Variants in HPSE2 observed in about 807,000 individuals in gnomAD.
HPSE2 encodes the protein heparanase 2 (inactive).
Under a neutral mutation model 60.5 loss-of-function variants are expected in HPSE2, and 38 were observed. That is an observed-to-expected ratio of 0.63 (90% CI 0.48 to 0.82). HPSE2 has a LOEUF of 0.82. Among genes scored for constraint, HPSE2 ranks in the 40% least tolerant of loss-of-function variants. HPSE2 has a pLI of 0.00. For missense variants in HPSE2, 713 were observed against 740.4 expected (o/e 0.96, Z 0.43); for synonymous variants, 295 against 293.2 (o/e 1.01, Z -0.06).
chr10:99,002,366 G>A (rs1036033145), intron 3 of HPSE2, among the ~76,000 whole-genome samples: 3 of 151,948 alleles, frequency 2.0e-5, no homozygotes, highest in South Asian at 2.1e-4. Context: ...CAAAAACTAC[G>A]GTATGGATAC....
Position 98,600,895 on chromosome 10 carries a change from A to ATATATGTGTGTG in HPSE2, c.1320+14008_1320+14009insCACACACATATA, listed in dbSNP as rs1450872755. Among the ~76,000 whole-genome samples the ATATATGTGTGTG allele has an allele frequency of 1.3e-3, 93 of 69,406 alleles. 1 individual carries two copies. The highest frequency in any genetic ancestry group is 3.2e-3 in the African/African-American group (78 of 24,140). The allele number at this position is 69,406 out of a possible 152,430, so 45.5% of individuals were successfully genotyped here. Reference sequence around the variant, plus strand: ...TATATGTATATATACATATATACGTATATATATGTGTGTGTGTATATATAT... The same window carrying ATATATGTGTGTG: ...TATATGTATATATACATATATACGTATATATGTGTGTGTATATATGTGTGTGTGTATATATAT... On this transcript the variant is annotated intron_variant, in intron 9 of 11. Coordinates refer to ENST00000370552, the MANE Select transcript of HPSE2 (RefSeq NM_021828.5).
intron 3 of HPSE2, among the ~76,000 whole-genome samples, chr10:98,941,438 AACAG>A (rs1486228051): frequency 1.5e-5 from 2 of 137,758 alleles, no homozygotes; most frequent in Non-Finnish European, 3.1e-5. Flanking sequence ...ATACACCAAT[AACAG>A]ACAGAGAGCC....
chr10:98,716,707 G>A (rs1287539256), intron 5 of HPSE2, among the ~76,000 whole-genome samples: 1 of 152,090 alleles, frequency 6.6e-6, no homozygotes, highest in East Asian at 1.9e-4. Flanking sequence ...AGAATGGAGG[G>A]TGAGTTAGCA....
In HPSE2 at chr10:98,568,772, G is replaced by A. The variant is rs1337009581; in HGVS notation, c.1320+46132C>T. Among the ~76,000 whole-genome samples the A allele has an allele frequency of 3.3e-5, 5 of 152,176 alleles. No homozygotes were observed. In the East Asian group the frequency reaches 9.6e-4, roughly 29 times the overall value. ...TTTTTCCTTAGAGCAGCAGTGACAT[G>A]GGACTTGAAGATTAATGAGTCACTC... is the stretch of plus-strand genomic sequence containing the variant. On this transcript the variant is annotated intron_variant, in intron 9 of 11. Transcript: ENST00000370552.
chr10:99,135,598 C>G lies in HPSE2; in HGVS notation c.610+8640G>C, dbSNP rs1344529092. Reference sequence around the variant, plus strand: ...AACTAAACAACCTGCTCCTGAATGACTACTGGGTAAATAACTAAATGAAGG... The same window carrying G: ...AACTAAACAACCTGCTCCTGAATGAGTACTGGGTAAATAACTAAATGAAGG... On this transcript the variant is annotated intron_variant, in intron 3 of 11. Coordinates refer to ENST00000370552, the MANE Select transcript of HPSE2 (RefSeq NM_021828.5). 3.9e-5 allele frequency among the ~76,000 whole-genome samples: 6 copies of G among 152,140 alleles called. No individual in the cohort carries two copies. In the East Asian group the frequency reaches 1.2e-3, roughly 29 times the overall value.
At chr10:98,714,197 T>TAA (rs933517046) in intron 5 of HPSE2, among the ~76,000 whole-genome samples, 3 of 150,370 alleles carry the variant, frequency 2.0e-5, no homozygotes, top group African/African-American at 7.5e-5. Flanking sequence ...ATTAGACTCT[T>TAA]AAACGCTTTT....
chr10:99,106,907 A>G (rs139732358), intron 3 of HPSE2, among the ~76,000 whole-genome samples: 53 of 152,100 alleles, frequency 3.5e-4, no homozygotes, highest in African/African-American at 1.2e-3. Context: ...ATCTCACTCT[A>G]TCACCCAGGC....
chr10:99,076,346 T>C (rs1443251323), intron 3 of HPSE2, among the ~76,000 whole-genome samples: 1 of 152,192 alleles, frequency 6.6e-6, no homozygotes. Flanking sequence ...TACATCTTTT[T>C]ATTTTGTGTA....
At chr10:98,864,032 T>C (rs1278126074) in intron 3 of HPSE2, among the ~76,000 whole-genome samples, 2 of 152,242 alleles carry the variant, frequency 1.3e-5, no homozygotes, top group African/African-American at 4.8e-5. Context: ...TGTAAATGAA[T>C]TAAAAAACGT....
intron 6 of HPSE2, among the ~76,000 whole-genome samples, chr10:98,683,282 T>C (rs1947830687): frequency 6.7e-6 from 1 of 149,858 alleles, no homozygotes; most frequent in Admixed American, 6.7e-5. Context: ...AGGTTTAAAG[T>C]CAAAGCCAGG....
chr10:99,194,247 C>A (rs898594946), intron 2 of HPSE2, among the ~76,000 whole-genome samples: 2 of 151,502 alleles, frequency 1.3e-5, no homozygotes, highest in Non-Finnish European at 2.9e-5. Flanking sequence ...GCACAACATA[C>A]CAAAACCTAT....
intron 3 of HPSE2, among the ~76,000 whole-genome samples, chr10:99,050,884 T>C (rs1056001827): frequency 6.6e-6 from 1 of 152,092 alleles, no homozygotes; most frequent in Admixed American, 6.6e-5. Context: ...GGTACAATGT[T>C]TAAGTTACAC....
At chr10:98,943,345 T>G (rs1955077817) in intron 3 of HPSE2, among the ~76,000 whole-genome samples, 1 of 152,028 alleles carries the variant, frequency 6.6e-6, no homozygotes, top group Non-Finnish European at 1.5e-5. Flanking sequence ...TGAGTATCTT[T>G]TAATATTATT....
chr10:98,916,035 C>T (rs1954112603), intron 3 of HPSE2, among the ~76,000 whole-genome samples: 1 of 152,054 alleles, frequency 6.6e-6, no homozygotes, highest in South Asian at 2.1e-4. Flanking sequence ...TAACCAGAAC[C>T]AATTTAATTT....
At chr10:98,774,817 C>G (rs140082019) in intron 3 of HPSE2, among the ~76,000 whole-genome samples, 9 of 152,240 alleles carry the variant, frequency 5.9e-5, no homozygotes, top group African/African-American at 2.2e-4. Context: ...TCCCTTTCCT[C>G]TTGCATTGCC....
intron 9 of HPSE2, among the ~76,000 whole-genome samples, chr10:98,607,262 A>G (rs1276799470): frequency 6.6e-6 from 1 of 150,630 alleles, no homozygotes; most frequent in Non-Finnish European, 1.5e-5. Context: ...CCTAAACTCA[A>G]GTGCAGCAAG....
the HPSE2 span, among the ~76,000 whole-genome samples, chr10:99,259,029 A>C: frequency 8.5e-5 from 13 of 152,308 alleles, no homozygotes; most frequent in South Asian, 2.7e-3. Context: ...GAAAAATAAA[A>C]CATTTGCTCT....
chr10:99,136,751 A>C (rs1475245429), intron 3 of HPSE2, among the ~76,000 whole-genome samples: 1 of 152,224 alleles, frequency 6.6e-6, no homozygotes, highest in Non-Finnish European at 1.5e-5. Flanking sequence ...CAAAATAATA[A>C]GAGCTACTTA....
At chr10:98,897,875 C>T (rs1224121920) in intron 3 of HPSE2, among the ~76,000 whole-genome samples, 1 of 151,942 alleles carries the variant, frequency 6.6e-6, no homozygotes, top group Non-Finnish European at 1.5e-5. Flanking sequence ...AACTTCTGCT[C>T]AGCAAAAGAT....
Sources: gnomAD v4.1 joint callset for allele counts (sites outside exome capture counted in the v4.1 genomes callset) on GRCh38, gnomAD v4.1.1 for gene constraint, MANE v1.5 for transcripts, NCBI Gene and HGNC (gene_info 2026-07-23, HGNC 2026-07-21) for gene names.